The following MYH2 variants were observed in gnomAD, a reference collection of about 807,000 sequenced individuals.
MYH2 encodes the protein myosin-2.
Under a neutral mutation model 228.1 loss-of-function variants are expected in MYH2, and 139 were observed. That is an observed-to-expected ratio of 0.61 (90% CI 0.53 to 0.70). The LOEUF is 0.70. Ranked by LOEUF, MYH2 falls within the 30% of genes least tolerant of loss-of-function variation. MYH2 has a pLI of 0.00. For missense variants in MYH2, 1,809 were observed against 2,357.5 expected, an observed-to-expected ratio of 0.77 and a Z score of 4.82; for synonymous variants, 796 against 871.1, an observed-to-expected ratio of 0.91 and a Z score of 1.52.
At position 10,539,932 on chromosome 17, in the gene MYH2, T is replaced by G. The variant is rs2073530757; in HGVS notation, c.1143A>C (p.Thr381=). The change falls in exon 12 of 40, where the codon ACA becomes ACC. Residue 381 remains threonine, a synonymous_variant. Coordinates refer to ENST00000245503, the MANE Select transcript of MYH2 (RefSeq NM_017534.6). ...QREEQAEPDG[T]EVADKAAYLQ... ...TGGGAGTGACTTAGTTGATACCTTC[T>G]GTGCCATCTGGCTCTGCTTGCTCCT... is the stretch of plus-strand genomic sequence containing the variant. 2 of 1,614,084 alleles carry G rather than the reference T, an allele frequency of 1.2e-6. No individual in the cohort carries two copies. The highest frequency in any genetic ancestry group is 1.7e-6 in the Non-Finnish European group (2 of 1,179,966).
intron 5 of MYH2, among the ~76,000 whole-genome samples, chr17:10,544,440 C>T (rs2073599305): frequency 6.6e-6 from 1 of 152,168 alleles, no homozygotes; most frequent in African/African-American, 2.4e-5. Flanking sequence ...GCTGTGTATT[C>T]CTGAAGCACC....
chr17:10,539,108 A>G (rs920304325), intron 14 of MYH2, 97 bp downstream of exon 14: 3 of 1,601,654 alleles, frequency 1.9e-6, no homozygotes, highest in African/African-American at 2.7e-5. Context: ...TAATTTCTAC[A>G]GTGGTAAGAA....
At chr17:10,530,428 G>C (rs183697255) in intron 22 of MYH2, among the ~76,000 whole-genome samples, 1 of 152,240 alleles carries the variant, frequency 6.6e-6, no homozygotes, top group African/African-American at 2.4e-5. Context: ...GGCCTTGAGA[G>C]AGGGGTAGGA....
intron 17 of MYH2, 120 bp from the exon 18 acceptor site, chr17:10,535,485 A>G (rs186282218): frequency 2.1e-4 from 169 of 823,780 alleles, no homozygotes; most frequent in Non-Finnish European, 3.1e-4. Flanking sequence ...CTGCATTCAT[A>G]TAAGGCAACA....
At chr17:10,538,502 G>A (rs960255509) in intron 14 of MYH2, among the ~76,000 whole-genome samples, 6 of 152,020 alleles carry the variant, frequency 3.9e-5, no homozygotes, top group African/African-American at 7.2e-5. Context: ...AACATTAGCC[G>A]GGTGTGGTGG....
rs773655975 is a variant in MYH2, at chr17:10,540,618, A to G, written c.984T>C (p.Asp328=). The change falls in exon 11 of 40, where the codon GAT becomes GAC. Residue 328 remains aspartate, a synonymous_variant. Coordinates refer to ENST00000245503, the MANE Select transcript of MYH2 (RefSeq NM_017534.6). ...QGEISVASID[D]QEELMATDSA... Reference sequence around the variant, plus strand: ...CATCTGTGGCCATCAGTTCTTCCTGATCATCGATGCTGGCCACACTGATCT... The same window carrying G: ...CATCTGTGGCCATCAGTTCTTCCTGGTCATCGATGCTGGCCACACTGATCT... 14 of 1,613,216 alleles carry G rather than the reference A, an allele frequency of 8.7e-6. No individual in the cohort carries two copies. The highest frequency in any genetic ancestry group is 1.7e-5 in the Admixed American group (1 of 60,024).
Position 10,537,722 on chromosome 17 carries a change from C to T in MYH2, c.1530G>A (p.Glu510=). 2 of 1,614,204 alleles carry T rather than the reference C, an allele frequency of 1.2e-6. No individual in the cohort carries two copies. Among genetic ancestry groups the T allele is most frequent in the Non-Finnish European group, 1.7e-6 (2 of 1,180,036 alleles). The change falls in exon 15 of 40, where the codon GAG becomes GAA. Residue 510 remains glutamate, a synonymous_variant. Transcript: ENST00000245503. This position sits in a 1 kb window ranked among gnomAD's most constrained non-coding sequence, Gnocchi z 4.0. ...EQEEYKKEGI[E]WTFIDFGMDL... is the part of the protein sequence containing the mutation. ...CCATCCCGAAGTCGATGAACGTCCACTCGATGCCTTCCTTCTTGTACTCCT... is the reference window on the plus strand; with the variant it reads ...CCATCCCGAAGTCGATGAACGTCCATTCGATGCCTTCCTTCTTGTACTCCT...
In MYH2 at chr17:10,527,513, C is replaced by T. The variant is rs547464765; in HGVS notation, c.3871+235G>A. Among the ~76,000 whole-genome samples the T allele has an allele frequency of 3.3e-5, 5 of 152,326 alleles. No homozygotes were observed. In the East Asian group the frequency reaches 7.7e-4, roughly 24 times the overall value. Reference sequence around the variant, plus strand: ...GAGTAACCGCTAATCCCAGCATCCTCGCAATGAGCAAATACTCAAGGCCAT... The same window carrying T: ...GAGTAACCGCTAATCCCAGCATCCTTGCAATGAGCAAATACTCAAGGCCAT... On this transcript the variant is annotated intron_variant, in intron 28 of 39. Transcript: ENST00000245503.
At chr17:10,529,293 C>G in intron 25 of MYH2, 41 bp from the exon 26 acceptor site, 1 of 1,614,032 alleles carries the variant, frequency 6.2e-7, no homozygotes, top group South Asian at 1.1e-5. Context: ...TAGTCCGTAT[C>G]TAATGTTGGA....
rs2073357935 is a variant in MYH2 at position 10,526,650 on chromosome 17, G to A, written c.4136C>T (p.Thr1379Ile). The change falls in exon 30 of 40, where the codon ACC becomes ATC. Residue 1379 changes from threonine to isoleucine, a missense_variant. Thr to Ile is a moderately conservative substitution (Grantham distance 89, BLOSUM62 -1). This residue lies in a region of MYH2 where 636 missense variants were observed against 729.9 expected (regional missense o/e 0.87). Transcript: ENST00000245503. ...CTGGATGGCGTCCGTCTCGTATTTGGTCCTCCATTGGGCAACCTCGGTGTT... is the reference window on the plus strand; with the variant it reads ...CTGGATGGCGTCCGTCTCGTATTTGATCCTCCATTGGGCAACCTCGGTGTT... ...KANTEVAQWR[T>I]KYETDAIQRT... 1 of 1,613,922 alleles carries A rather than the reference G, an allele frequency of 6.2e-7. No individual in the cohort carries two copies. The highest frequency in any genetic ancestry group is 1.7e-5 in the Admixed American group (1 of 60,012).
intron 30 of MYH2, 32 bp downstream of exon 30, chr17:10,526,567 T>C: frequency 1.2e-6 from 2 of 1,613,620 alleles, no homozygotes; most frequent in Non-Finnish European, 8.5e-7. Flanking sequence ...ATGCAAAGTT[T>C]TCTGCTCATT....
Position 10,525,308 on chromosome 17 carries a change from C to T in MYH2, c.4578G>A (p.Gly1526=), listed in dbSNP as rs267604718. ...SDLTEQIAEG[G]KRIHELEKIK... is the part of the protein sequence containing the mutation. ...TTTTCTCCAGTTCATGGATACGTTTCCCTCCTTCTGCAATCTGTTCCGTGA... is the reference window on the plus strand; with the variant it reads ...TTTTCTCCAGTTCATGGATACGTTTTCCTCCTTCTGCAATCTGTTCCGTGA... The change falls in exon 33 of 40, where the codon GGG becomes GGA. Residue 1526 remains glycine, a synonymous_variant. Coordinates refer to ENST00000245503, the MANE Select transcript of MYH2 (RefSeq NM_017534.6). This position sits in a 1 kb window ranked among gnomAD's most constrained non-coding sequence, Gnocchi z 4.2. The T allele has an allele frequency of 1.2e-6, 2 of 1,614,122 alleles. No homozygotes were observed. The highest frequency in any genetic ancestry group is 1.7e-6 in the Non-Finnish European group (2 of 1,180,018).
In MYH2 at chr17:10,526,613, C is replaced by T. The variant is rs770751118; in HGVS notation, c.4173G>A (p.Glu1391=). 1 of 1,614,000 alleles carries T rather than the reference C, an allele frequency of 6.2e-7. No individual in the cohort carries two copies. The highest frequency in any genetic ancestry group is 2.2e-5 in the East Asian group (1 of 44,886). Residue 1391 remains glutamate (E), a synonymous_variant, in exon 30 of 40, where the codon GAG becomes GAA. Transcript: ENST00000245503. ...TGTGCACATACTTGGCCTCCTCCAG[C>T]TCCTCTGTGCGCTGGATGGCGTCCG... The part of the protein sequence containing the change: ...YETDAIQRTE[E]LEEAKKKLAQ...
Position 10,537,321 on chromosome 17 carries a change from G to A in MYH2, c.1809C>T (p.Pro603=). The A allele has an allele frequency of 6.2e-7, 1 of 1,614,152 alleles. No individual in the cohort carries two copies. Among genetic ancestry groups the A allele is most frequent in the Non-Finnish European group, 8.5e-7 (1 of 1,180,040 alleles). The change falls in exon 16 of 40, where the codon CCC becomes CCT. Residue 603 remains proline, a synonymous_variant. Transcript: ENST00000245503. This position sits in a 1 kb window ranked among gnomAD's most constrained non-coding sequence, Gnocchi z 4.0. ...ACAGTCCAACCACGGTCTCATTCAG[G>A]GGGTCCTTGTTCTTCTCCAGCCAGC... ...ITGWLEKNKD[P]LNETVVGLYQ...
chr17:10,545,657 C>T (rs549620388), intron 4 of MYH2, among the ~76,000 whole-genome samples, 155 bp from the exon 5 acceptor site: 4 of 152,214 alleles, frequency 2.6e-5, no homozygotes, highest in Admixed American at 2.6e-4. Context: ...CCCAACCTCC[C>T]GGGCTCAAGC....
chr17:10,536,725 T>C (rs2142309850), intron 16 of MYH2, 119 bp from the exon 17 acceptor site: 1 of 892,444 alleles, frequency 1.1e-6, no homozygotes, highest in Admixed American at 2.0e-5. Context: ...GCCTCTCTGA[T>C]TGAGCCTGAA....
At chr17:10,539,740 A>G (rs1457029389) in intron 12 of MYH2, among the ~76,000 whole-genome samples, 178 bp from the exon 13 acceptor site, 1 of 152,130 alleles carries the variant, frequency 6.6e-6, no homozygotes, top group African/African-American at 2.4e-5. Context: ...GCCCTAAAGA[A>G]CTTCAATAAT....
At chr17:10,542,842 G>A (rs1284868157) in intron 10 of MYH2, 33 bp downstream of exon 10, 5 of 1,448,680 alleles carry the variant, frequency 3.5e-6, no homozygotes, top group Non-Finnish European at 4.8e-6. Flanking sequence ...TACTGATGCA[G>A]TAATTCTGGA....
At chr17:10,530,349 A>G (rs1304072268) in intron 22 of MYH2, among the ~76,000 whole-genome samples, 1 of 152,234 alleles carries the variant, frequency 6.6e-6, no homozygotes. Flanking sequence ...GTAGAAAGCA[A>G]TTAGTGACAT....
Sources: gnomAD v4.1 joint callset for allele counts (sites outside exome capture counted in the v4.1 genomes callset) on GRCh38, gnomAD v4.1.1 for gene constraint, gnomAD v4.1.1 regional missense constraint, Gnocchi (gnomAD v3.1) non-coding constraint, MANE v1.5 for transcripts, NCBI Gene and HGNC (gene_info 2026-07-23, HGNC 2026-07-21) for gene names.